HS6ST3: variants seen among roughly 807,000 people sequenced by gnomAD.
HS6ST3 encodes the protein heparan-sulfate 6-O-sulfotransferase 3.
HS6ST3 carries 12 observed loss-of-function variants against 36.7 expected under a neutral mutation model. That is an observed-to-expected ratio of 0.33 (90% CI 0.21 to 0.53). The LOEUF (loss-of-function observed/expected upper bound fraction) is 0.53, where lower values mean the gene tolerates loss of function less well. Ranked by LOEUF, HS6ST3 falls within the 20% of genes least tolerant of loss-of-function variation. The pLI, the probability that HS6ST3 is intolerant of heterozygous loss-of-function variation, is 0.95. For missense variants in HS6ST3, 584 were observed against 640.9 expected (o/e 0.91, Z 0.96); for synonymous variants, 240 against 257.5 (o/e 0.93, Z 0.65).
intron 1 of HS6ST3, among the ~76,000 whole-genome samples, chr13:96,382,109 C>A (rs539932753): frequency 6.6e-6 from 1 of 152,218 alleles, no homozygotes; most frequent in East Asian, 1.9e-4. Flanking sequence ...CAGGGAGGAG[C>A]AGGAGCTGCG....
intron 1 of HS6ST3, among the ~76,000 whole-genome samples, chr13:96,116,490 G>T (rs904423711): frequency 1.3e-5 from 2 of 152,100 alleles, no homozygotes; most frequent in African/African-American, 4.8e-5. Context: ...CAACAGCATG[G>T]CAGACACCCC....
chr13:96,668,925 C>T (rs185213394), intron 1 of HS6ST3, among the ~76,000 whole-genome samples: 11 of 151,624 alleles, frequency 7.3e-5, no homozygotes, highest in Admixed American at 2.0e-4. Flanking sequence ...AAGGATAAAG[C>T]GATAAACATG....
At chr13:96,401,957 A>G (rs1293724417) in intron 1 of HS6ST3, among the ~76,000 whole-genome samples, 2 of 152,138 alleles carry the variant, frequency 1.3e-5, no homozygotes, top group Non-Finnish European at 2.9e-5. Context: ...ATTATGAACT[A>G]CTTAGGACTC....
chr13:96,713,271 A>C (rs894542946), intron 1 of HS6ST3, among the ~76,000 whole-genome samples: 2 of 152,228 alleles, frequency 1.3e-5, no homozygotes, highest in African/African-American at 4.8e-5. Flanking sequence ...GCCATTGATC[A>C]AAGAGAACTA....
chr13:96,116,201 C>T (rs1039107123), intron 1 of HS6ST3, among the ~76,000 whole-genome samples: 6 of 152,174 alleles, frequency 3.9e-5, no homozygotes, highest in Non-Finnish European at 8.8e-5. Context: ...TTCAACGACT[C>T]GAGTGCATAG....
At position 96,618,269 on chromosome 13, in the gene HS6ST3, T is replaced by A. The variant is rs200823838; in HGVS notation, c.708-214221T>A. Among the ~76,000 whole-genome samples, 46 of 152,220 alleles carry A rather than the reference T, an allele frequency of 3.0e-4. No homozygotes were observed. The East Asian group carries it at 4.5e-3, about 15-fold the overall frequency. ...GTGCACCACCACACCTGGATAATTT[T>A]AAATTTTTTTTTGTAAAGACAGGGT... On this transcript the variant is annotated intron_variant, in intron 1 of 1. Coordinates refer to ENST00000376705, the MANE Select transcript of HS6ST3 (RefSeq NM_153456.4).
chr13:96,238,710 A>G (rs1056887047), intron 1 of HS6ST3, among the ~76,000 whole-genome samples: 7 of 152,258 alleles, frequency 4.6e-5, no homozygotes, highest in African/African-American at 1.4e-4. Context: ...AGCCCCAAGA[A>G]GTCAGGTTGT....
intron 1 of HS6ST3, among the ~76,000 whole-genome samples, chr13:96,508,474 C>T (rs1234403372): frequency 1.3e-5 from 2 of 152,026 alleles, no homozygotes; most frequent in Non-Finnish European, 2.9e-5. Flanking sequence ...CACCCATCAC[C>T]TGAGTAGTGT....
intron 1 of HS6ST3, among the ~76,000 whole-genome samples, chr13:96,533,024 G>T (rs1333691648): frequency 1.3e-5 from 2 of 152,110 alleles, no homozygotes; most frequent in African/African-American, 2.4e-5. Context: ...TTTCTAGGCA[G>T]GAGGTTAAAA....
At chr13:96,171,837 T>C (rs988576102) in intron 1 of HS6ST3, among the ~76,000 whole-genome samples, 1 of 152,186 alleles carries the variant, frequency 6.6e-6, no homozygotes, top group Non-Finnish European at 1.5e-5. Context: ...CTACAATTAC[T>C]TACTAAGGGA....
chr13:96,140,104 A>G (rs1278862499), intron 1 of HS6ST3, among the ~76,000 whole-genome samples: 3 of 152,188 alleles, frequency 2.0e-5, no homozygotes, highest in Admixed American at 6.6e-5. Context: ...ATACCAGTCT[A>G]TTTTATTATA....
At chr13:96,829,820 T>A (rs1003099231) in intron 1 of HS6ST3, among the ~76,000 whole-genome samples, 1 of 152,218 alleles carries the variant, frequency 6.6e-6, no homozygotes, top group Non-Finnish European at 1.5e-5. Context: ...TGTGCATGTG[T>A]CTATATAATA....
At chr13:96,789,786 A>G (rs2138519430) in intron 1 of HS6ST3, among the ~76,000 whole-genome samples, 1 of 151,812 alleles carries the variant, frequency 6.6e-6, no homozygotes, top group African/African-American at 2.4e-5. Context: ...AGCCATTTCA[A>G]TCATTCTTCT....
At chr13:96,644,413 G>A (rs1231329688) in intron 1 of HS6ST3, among the ~76,000 whole-genome samples, 2 of 152,030 alleles carry the variant, frequency 1.3e-5, no homozygotes, top group African/African-American at 4.8e-5. Context: ...GCCCCAGTGA[G>A]AAAACTGAAA....
intron 1 of HS6ST3, among the ~76,000 whole-genome samples, chr13:96,314,596 A>G (rs2054959070): frequency 2.0e-5 from 3 of 152,196 alleles, no homozygotes; most frequent in African/African-American, 7.2e-5. Context: ...TTTTATGTTA[A>G]AAAAATAGAC....
intron 1 of HS6ST3, among the ~76,000 whole-genome samples, chr13:96,229,981 T>C (rs374965399): frequency 1.9e-4 from 29 of 152,310 alleles, no homozygotes; most frequent in African/African-American, 6.3e-4. Context: ...CTACAGTACA[T>C]GCGGAGTTAG....
chr13:96,304,393 T>G (rs2054898896), intron 1 of HS6ST3, among the ~76,000 whole-genome samples: 1 of 152,152 alleles, frequency 6.6e-6, no homozygotes, highest in South Asian at 2.1e-4. Context: ...AAAATGCCTT[T>G]CTTTGCATCA....
rs7985313 is a variant in HS6ST3 at position 96,113,547 on chromosome 13, A to T, written c.707+21978A>T. 2.4e-3 allele frequency among the ~76,000 whole-genome samples: 359 copies of T among 152,358 alleles called. 2 individuals carry two copies. Among genetic ancestry groups the T allele is most frequent in the African/African-American group, 8.3e-3 (344 of 41,582 alleles). On this transcript the variant is annotated intron_variant, in intron 1 of 1. Transcript: ENST00000376705. ...TATTAACCTCATCTGTAAGCAATGC[A>T]AGTAAAATATAAATTAAGAAAATAA...
At chr13:96,194,949 A>G (rs143379303) in intron 1 of HS6ST3, among the ~76,000 whole-genome samples, 27 of 152,256 alleles carry the variant, frequency 1.8e-4, no homozygotes, top group East Asian at 1.5e-3. Flanking sequence ...TTTAATTAAC[A>G]TTTTGTTATT....
Sources: allele counts gnomAD v4.1 joint callset (sites outside exome capture counted in the v4.1 genomes callset), GRCh38; gene constraint gnomAD v4.1.1; transcripts MANE v1.5; gene names NCBI Gene and HGNC (gene_info 2026-07-23, HGNC 2026-07-21).